The following RALYL variants were observed in gnomAD, a reference collection of about 807,000 sequenced individuals.
RALYL encodes RALY RNA binding protein like.
A neutral mutation model predicts 35.1 loss-of-function variants in RALYL; 29 were observed. That is an observed-to-expected ratio of 0.83 (90% confidence interval 0.61 to 1.13). RALYL has a LOEUF of 1.13. Ranked by LOEUF, RALYL falls within the 50% of genes most tolerant of loss-of-function variation. The probability of loss-of-function intolerance (pLI) is 0.00; values close to 1 mark genes in which losing one functional copy is unlikely to be tolerated. For synonymous variants in RALYL, 120 were observed against 127.6 expected (o/e 0.94, Z 0.40); for missense variants, 359 against 360.4 (o/e 1.00, Z 0.03).
intron 2 of RALYL, among the ~76,000 whole-genome samples, chr8:84,593,186 A>G (rs924219611): frequency 1.3e-5 from 2 of 152,044 alleles, no homozygotes; most frequent in Non-Finnish European, 2.9e-5. Context: ...TTCTTCACCA[A>G]CAATCTACTT....
At chr8:84,436,331 C>T (rs969905854) in intron 1 of RALYL, among the ~76,000 whole-genome samples, 5 of 152,022 alleles carry the variant, frequency 3.3e-5, no homozygotes, top group Admixed American at 6.6e-5. Context: ...AGAGAGGAAG[C>T]CAAGAATAAA....
chr8:84,841,916 C>T (rs2134606454), intron 4 of RALYL, among the ~76,000 whole-genome samples: 1 of 152,306 alleles, frequency 6.6e-6, no homozygotes. Context: ...TTCTTTGAAA[C>T]CAATGAGAAC....
At chr8:84,581,088 T>G (rs1588318928) in intron 2 of RALYL, among the ~76,000 whole-genome samples, 1 of 152,188 alleles carries the variant, frequency 6.6e-6, no homozygotes. Context: ...ACTTTCCATG[T>G]TGGGGCTCAG....
At chr8:84,879,027 C>G (rs1007611553) in intron 7 of RALYL, among the ~76,000 whole-genome samples, 1 of 151,872 alleles carries the variant, frequency 6.6e-6, no homozygotes, top group African/African-American at 2.4e-5. Flanking sequence ...ACCAAAAACA[C>G]AGCGATAAAC....
intron 1 of RALYL, among the ~76,000 whole-genome samples, chr8:84,305,366 G>T (rs1414124570): frequency 6.6e-6 from 1 of 152,088 alleles, no homozygotes; most frequent in East Asian, 1.9e-4. Context: ...AGCAACAGCT[G>T]CTCATTTACA....
At chr8:84,323,463 AG>A (rs997755297) in intron 1 of RALYL, among the ~76,000 whole-genome samples, 2 of 152,084 alleles carry the variant, frequency 1.3e-5, no homozygotes, top group African/African-American at 4.8e-5. Flanking sequence ...TTTCTATAAA[AG>A]GCTGACCTTG....
chr8:84,341,625 G>C (rs1017066863), intron 1 of RALYL, among the ~76,000 whole-genome samples: 5 of 151,932 alleles, frequency 3.3e-5, no homozygotes, highest in African/African-American at 1.2e-4. Context: ...ATATAAATAA[G>C]TTAATTCAGA....
rs573703803 is a variant in RALYL, at chr8:84,781,272, A to G, written c.332+6618A>G. The stretch of plus-strand genomic sequence containing the variant: ...ACTTCTTTAAAAATAAAATTTTTTA[A>G]AAGATTATTTTACTTATAGTATGTT... On this transcript the variant is annotated intron_variant, in intron 3 of 8. Transcript: ENST00000521268. Among the ~76,000 whole-genome samples the G allele has an allele frequency of 2.6e-5, 4 of 152,338 alleles. No homozygotes were observed. In the East Asian group the frequency reaches 7.7e-4, roughly 29 times the overall value.
chr8:84,358,829 A>T (rs964767484), intron 1 of RALYL, among the ~76,000 whole-genome samples: 1 of 152,034 alleles, frequency 6.6e-6, no homozygotes, highest in African/African-American at 2.4e-5. Flanking sequence ...TCTTGCAGAG[A>T]TTCTTTAGGC....
chr8:84,636,478 C>T (rs1331496154), intron 2 of RALYL, among the ~76,000 whole-genome samples: 1 of 151,656 alleles, frequency 6.6e-6, no homozygotes, highest in African/African-American at 2.4e-5. Context: ...CAAAAGCAAC[C>T]CGAATAGTAG....
intron 1 of RALYL, among the ~76,000 whole-genome samples, chr8:84,479,034 C>T (rs1454551949): frequency 1.7e-5 from 2 of 120,862 alleles, no homozygotes; most frequent in Non-Finnish European, 3.2e-5. Context: ...TGCAGTGAAC[C>T]GAGATTGCAC....
intron 2 of RALYL, among the ~76,000 whole-genome samples, chr8:84,590,453 G>T (rs1812981819): frequency 6.6e-6 from 1 of 152,170 alleles, no homozygotes; most frequent in African/African-American, 2.4e-5. Context: ...GAAAACTTGT[G>T]TATTTGAGTT....
chr8:84,258,494 A>T (rs1831611557), intron 1 of RALYL, among the ~76,000 whole-genome samples: 1 of 151,940 alleles, frequency 6.6e-6, no homozygotes, highest in Admixed American at 6.6e-5. Context: ...TTTTCTCACA[A>T]GTGGCTTCTA....
At chr8:84,281,516 C>T (rs1465430310) in intron 1 of RALYL, among the ~76,000 whole-genome samples, 1 of 149,772 alleles carries the variant, frequency 6.7e-6, no homozygotes, top group African/African-American at 2.5e-5. Context: ...GCATATGGCA[C>T]TGTTCATTCA....
intron 2 of RALYL, among the ~76,000 whole-genome samples, chr8:84,606,433 T>G (rs1817163029): frequency 6.6e-6 from 1 of 152,182 alleles, no homozygotes; most frequent in Non-Finnish European, 1.5e-5. Flanking sequence ...TGGGAGACAC[T>G]GTCGGTACTT....
intron 2 of RALYL, among the ~76,000 whole-genome samples, chr8:84,739,000 G>T (rs1847817603): frequency 6.6e-6 from 1 of 151,860 alleles, no homozygotes; most frequent in Admixed American, 6.6e-5. Context: ...TTTAACATGT[G>T]AATACACGTC....
At chr8:84,647,491 G>A (rs781438769) in intron 2 of RALYL, among the ~76,000 whole-genome samples, 1 of 152,042 alleles carries the variant, frequency 6.6e-6, no homozygotes, top group Non-Finnish European at 1.5e-5. Context: ...TTCACACCTT[G>A]TGTTCTTTTC....
chr8:84,401,242 TTTC>T (rs1458267847), intron 1 of RALYL, among the ~76,000 whole-genome samples: 1 of 152,166 alleles, frequency 6.6e-6, no homozygotes, highest in Non-Finnish European at 1.5e-5. Flanking sequence ...TTTTTAATCT[TTTC>T]TTCTATTCTG....
At chr8:84,776,588 T>C (rs530605036) in intron 3 of RALYL, among the ~76,000 whole-genome samples, 59 of 152,302 alleles carry the variant, frequency 3.9e-4, no homozygotes, top group Middle Eastern at 6.8e-3. Flanking sequence ...ATGTATACAT[T>C]AGAGCTGCAG....
Sources: allele counts gnomAD v4.1 joint callset (sites outside exome capture counted in the v4.1 genomes callset), GRCh38; gene constraint gnomAD v4.1.1; transcripts MANE v1.5; gene names NCBI Gene and HGNC (gene_info 2026-07-23, HGNC 2026-07-21).